FBXL20: variants seen among roughly 807,000 people sequenced by gnomAD.
The protein encoded by FBXL20 is F-box/LRR-repeat protein 20.
In FBXL20, 11 loss-of-function variants were observed where a neutral mutation model predicts 64.0. The observed-to-expected ratio is 0.17, with a 90% CI of 0.11 to 0.28. FBXL20 has a LOEUF of 0.28. Ranked by LOEUF, FBXL20 falls within the 10% of genes least tolerant of loss-of-function variation. FBXL20 has a pLI of 1.00. For synonymous variants in FBXL20, 184 were observed against 189.0 expected (o/e 0.97, Z 0.22); for missense variants, 303 against 526.2 (o/e 0.58, Z 4.15).
intron 1 of FBXL20, among the ~76,000 whole-genome samples, chr17:39,386,685 A>T (rs2048084064): frequency 6.6e-6 from 1 of 152,198 alleles, no homozygotes; most frequent in Non-Finnish European, 1.5e-5. Context: ...ATTTTTAAAG[A>T]GTACCATTAG....
At chr17:39,335,549 C>T (rs1462034247) in intron 2 of FBXL20, among the ~76,000 whole-genome samples, 2 of 139,516 alleles carry the variant, frequency 1.4e-5, no homozygotes, top group Non-Finnish European at 3.0e-5. Context: ...TGCCACTGCA[C>T]TCCAGCCTGG....
intron 2 of FBXL20, among the ~76,000 whole-genome samples, chr17:39,327,176 G>A (rs866657873): frequency 6.6e-6 from 1 of 151,986 alleles, no homozygotes; most frequent in Non-Finnish European, 1.5e-5. Flanking sequence ...GCGAGCCACC[G>A]CACCCAGCCC....
At chr17:39,363,827 C>CAAAAAAAAAAAAAAAAAAAAA (rs1555612706) in intron 1 of FBXL20, among the ~76,000 whole-genome samples, 14 of 77,992 alleles carry the variant, frequency 1.8e-4, no homozygotes, top group African/African-American at 4.4e-4. Flanking sequence ...AAAAAAAAAA[C>CAAAAAAAAAAAAAAAAAAAAA]AAAAAACAAA....
intron 2 of FBXL20, among the ~76,000 whole-genome samples, chr17:39,331,036 A>G (rs554132372): frequency 6.6e-6 from 1 of 152,336 alleles, no homozygotes; most frequent in East Asian, 1.9e-4. Context: ...CTCTGCCCAC[A>G]AAAAGGACTC....
intron 2 of FBXL20, among the ~76,000 whole-genome samples, chr17:39,335,428 C>A (rs2047510953): frequency 6.6e-6 from 1 of 151,592 alleles, no homozygotes; most frequent in Non-Finnish European, 1.5e-5. Flanking sequence ...ACTAAAAATG[C>A]AAAAAATTAG....
intron 2 of FBXL20, among the ~76,000 whole-genome samples, chr17:39,329,332 T>C (rs1489886262): frequency 1.3e-5 from 2 of 152,154 alleles, no homozygotes; most frequent in Admixed American, 6.6e-5. Flanking sequence ...TCTTCAAAAC[T>C]GTCAATGTTG....
At chr17:39,265,316 C>T in intron 13 of FBXL20, 81 bp downstream of exon 13, 1 of 1,104,522 alleles carries the variant, frequency 9.1e-7, no homozygotes, top group Non-Finnish European at 1.3e-6. Flanking sequence ...TAGCCAGACA[C>T]TAAGAGCTGG....
intron 2 of FBXL20, among the ~76,000 whole-genome samples, chr17:39,324,679 T>A (rs549868342): frequency 5.8e-4 from 88 of 152,316 alleles, no homozygotes; most frequent in African/African-American, 2.0e-3. Flanking sequence ...CATTTTTTTT[T>A]AAAGAAAACT....
At chr17:39,345,107 C>T (rs1249351523) in intron 1 of FBXL20, among the ~76,000 whole-genome samples, 2 of 152,168 alleles carry the variant, frequency 1.3e-5, no homozygotes, top group Non-Finnish European at 1.5e-5. Flanking sequence ...TACGTTCCGT[C>T]GCTGCTATTA....
chr17:39,284,649 G>T (rs985578021), intron 7 of FBXL20, among the ~76,000 whole-genome samples: 1 of 152,156 alleles, frequency 6.6e-6, no homozygotes, highest in African/African-American at 2.4e-5. Context: ...CTCCCAAAGT[G>T]CTGGGATTAC....
At position 39,256,337 on chromosome 17, in the gene FBXL20, A is replaced by AG. The variant is rs1304570751; in HGVS notation, c.*5122_*5123insC. 3 of 151,948 alleles carry AG rather than the reference A, an allele frequency of 2.0e-5. No individual in the cohort carries two copies. Among genetic ancestry groups the AG allele is most frequent in the African/African-American group, 7.2e-5 (3 of 41,392 alleles). The allele number at this position is 151,948 out of a possible 1,614,324, so 9.4% of individuals were successfully genotyped here. A position where few individuals can be genotyped will look rare whatever the true frequency, so the allele number is the denominator to read the frequency against. ...CTCCATGTCAAAAAAAAAAAAAAAA[A>AG]AAAGAAATATAGGCGAGGAAAGGCT... On this transcript the variant is annotated 3_prime_UTR_variant, in exon 15 of 15. Transcript: ENST00000264658.
chr17:39,366,452 T>C (rs1247387822), intron 1 of FBXL20, among the ~76,000 whole-genome samples: 3 of 152,224 alleles, frequency 2.0e-5, no homozygotes, highest in Non-Finnish European at 2.9e-5. Flanking sequence ...GCTACACAAC[T>C]GTCATCTTGG....
chr17:39,356,307 G>A (rs536876022), intron 1 of FBXL20, among the ~76,000 whole-genome samples: 2 of 152,088 alleles, frequency 1.3e-5, no homozygotes, highest in East Asian at 1.9e-4. Flanking sequence ...GTGGTATGAG[G>A]TGAGAGCACA....
intron 2 of FBXL20, among the ~76,000 whole-genome samples, chr17:39,309,036 G>A (rs2047208556): frequency 1.3e-5 from 2 of 152,170 alleles, no homozygotes; most frequent in Admixed American, 1.3e-4. Context: ...GCTTTTAAAA[G>A]TCTAGGATTC....
At chr17:39,401,320 AC>A (rs1238239849) in intron 1 of FBXL20, 40 bp downstream of exon 1, 14 of 1,611,528 alleles carry the variant, frequency 8.7e-6, no homozygotes, top group African/African-American at 1.3e-5. Context: ...AGAGCGCGCG[AC>A]CCGCCCTCCT....
chr17:39,272,698 T>C (rs2046855371), intron 10 of FBXL20, among the ~76,000 whole-genome samples: 1 of 43,372 alleles, frequency 2.3e-5, no homozygotes, highest in Non-Finnish European at 4.2e-5. Context: ...CCAAACTCTA[T>C]CTCAAAAAAA....
chr17:39,292,730 T>C (rs1176028303), intron 6 of FBXL20, among the ~76,000 whole-genome samples: 5 of 152,032 alleles, frequency 3.3e-5, no homozygotes, highest in South Asian at 2.1e-4. Context: ...TATATTTCTA[T>C]TGACTGGCTT....
At chr17:39,383,120 G>A (rs539420490) in intron 1 of FBXL20, among the ~76,000 whole-genome samples, 6 of 141,444 alleles carry the variant, frequency 4.2e-5, no homozygotes, top group African/African-American at 1.6e-4. Context: ...CCGAGATCAC[G>A]CCACTGCACT....
intron 2 of FBXL20, among the ~76,000 whole-genome samples, chr17:39,304,438 C>A (rs778084123): frequency 6.6e-6 from 1 of 152,128 alleles, no homozygotes; most frequent in East Asian, 1.9e-4. Flanking sequence ...CAGGCACATG[C>A]CACAAAGCCT....
Sources: gnomAD v4.1 joint callset for allele counts (sites outside exome capture counted in the v4.1 genomes callset) on GRCh38, gnomAD v4.1.1 for gene constraint, MANE v1.5 for transcripts, NCBI Gene and HGNC (gene_info 2026-07-23, HGNC 2026-07-21) for gene names.